Variants in OCA2 observed in about 807,000 individuals in gnomAD.
OCA2 encodes P protein.
A neutral mutation model predicts 100.2 loss-of-function variants in OCA2; 77 were observed. That is an observed-to-expected ratio of 0.77 (90% CI 0.64 to 0.93). The LOEUF (loss-of-function observed/expected upper bound fraction) is 0.93. OCA2 is among the 40% of genes least tolerant of loss of function. The pLI is 0.00. For synonymous variants in OCA2, 432 were observed against 439.2 expected, an observed-to-expected ratio of 0.98 and a Z score of 0.21; for missense variants, 1,062 against 1,089.1, an observed-to-expected ratio of 0.98 and a Z score of 0.35.
the OCA2 span, among the ~76,000 whole-genome samples, chr15:27,740,560 T>A: frequency 4.6e-5 from 7 of 152,152 alleles, no homozygotes; most frequent in South Asian, 1.4e-3. Flanking sequence ...GTACATGCAG[T>A]GCAAGTATGT....
At chr15:27,748,907 T>G in the OCA2 span, among the ~76,000 whole-genome samples, 1 of 152,088 alleles carries the variant, frequency 6.6e-6, no homozygotes, top group African/African-American at 2.4e-5. Context: ...ATTAGTGAAC[T>G]TTGGGTCAGA....
chr15:27,735,862 C>A, the OCA2 span, among the ~76,000 whole-genome samples: 4 of 152,122 alleles, frequency 2.6e-5, no homozygotes, highest in African/African-American at 9.7e-5. Context: ...AGTTCAATAC[C>A]AGACCTATCT....
At chr15:27,932,972 G>A (rs926653497) in intron 18 of OCA2, among the ~76,000 whole-genome samples, 1 of 127,092 alleles carries the variant, frequency 7.9e-6, no homozygotes, top group African/African-American at 3.5e-5. Flanking sequence ...AAATCACAAG[G>A]CATAGAAAAA....
At chr15:27,724,524 G>T in the OCA2 span, among the ~76,000 whole-genome samples, 1 of 152,216 alleles carries the variant, frequency 6.6e-6, no homozygotes, top group East Asian at 1.9e-4. Context: ...AGGTCCTGGG[G>T]GTTAGGACTT....
chr15:28,073,142 G>A (rs771087240), intron 2 of OCA2, among the ~76,000 whole-genome samples: 10 of 152,170 alleles, frequency 6.6e-5, no homozygotes, highest in East Asian at 1.9e-4. Flanking sequence ...CGCAGGGCAC[G>A]GTGGCTCACA....
intron 2 of OCA2, among the ~76,000 whole-genome samples, chr15:28,036,214 T>C (rs1309755751): frequency 1.3e-5 from 2 of 152,210 alleles, no homozygotes; most frequent in Admixed American, 6.5e-5. Context: ...ATTTCTGGTT[T>C]TTCACCTGGG....
chr15:27,724,101 AG>A, the OCA2 span, among the ~76,000 whole-genome samples: 2 of 152,158 alleles, frequency 1.3e-5, no homozygotes, highest in Non-Finnish European at 2.9e-5. Flanking sequence ...AGGTGGCCAA[AG>A]GCTTTCTAGA....
intron 23 of OCA2, among the ~76,000 whole-genome samples, chr15:27,758,978 C>G (rs1023861901): frequency 1.3e-5 from 2 of 152,032 alleles, no homozygotes; most frequent in Non-Finnish European, 2.9e-5. Flanking sequence ...CCTAAAAAGG[C>G]TAGGCACCCC....
intron 16 of OCA2, among the ~76,000 whole-genome samples, chr15:27,956,931 C>G (rs1199169389): frequency 6.6e-6 from 1 of 152,208 alleles, no homozygotes. Context: ...CACATTTCCC[C>G]TTGCCTAGAT....
rs980914388 is a variant in OCA2, at chr15:28,015,714, A to G, written c.890+390T>C. On this transcript the variant is annotated intron_variant, in intron 8 of 23. Transcript: ENST00000354638. ...CTGACATTTAAGCCACCCAGTGTGT[A>G]GTACTATGATACGGCAGCCTTAGCT... Among the ~76,000 whole-genome samples the G allele has an allele frequency of 3.3e-5, 5 of 152,336 alleles. No homozygotes were observed. In the East Asian group the frequency reaches 9.6e-4, roughly 29 times the overall value.
At chr15:28,030,212 C>T (rs1440527234) in intron 3 of OCA2, among the ~76,000 whole-genome samples, 3 of 152,186 alleles carry the variant, frequency 2.0e-5, no homozygotes, top group Non-Finnish European at 2.9e-5. Context: ...CCTTACCCAT[C>T]CAGTCACTGA....
At chr15:27,747,219 C>T in the OCA2 span, among the ~76,000 whole-genome samples, 1 of 152,170 alleles carries the variant, frequency 6.6e-6, no homozygotes, top group African/African-American at 2.4e-5. Context: ...ATGGCTGTGA[C>T]AGTCACATGG....
chr15:28,096,771 G>C (rs1374186224), intron 1 of OCA2, among the ~76,000 whole-genome samples: 1 of 152,184 alleles, frequency 6.6e-6, no homozygotes, highest in Non-Finnish European at 1.5e-5. Context: ...AGCCTGGGAG[G>C]AGGGGCGGGG....
chr15:27,895,136 A>T (rs1405736920), intron 19 of OCA2, among the ~76,000 whole-genome samples: 1 of 152,092 alleles, frequency 6.6e-6, no homozygotes, highest in African/African-American at 2.4e-5. Context: ...AAGCATAAGG[A>T]CCTGTCTGTG....
At chr15:27,978,225 C>T (rs1285841487) in intron 14 of OCA2, among the ~76,000 whole-genome samples, 6 of 152,092 alleles carry the variant, frequency 3.9e-5, no homozygotes, top group Non-Finnish European at 5.9e-5. Context: ...GAATCCATTT[C>T]AGTTAATGTT....
chr15:28,091,527 A>G (rs936407953), intron 1 of OCA2, among the ~76,000 whole-genome samples: 2 of 152,314 alleles, frequency 1.3e-5, no homozygotes, highest in Admixed American at 6.5e-5. Flanking sequence ...AAATCAATCA[A>G]TGTTGAACAT....
At chr15:28,066,405 T>C (rs953635820) in intron 2 of OCA2, among the ~76,000 whole-genome samples, 2 of 152,072 alleles carry the variant, frequency 1.3e-5, no homozygotes, top group African/African-American at 2.4e-5. Context: ...CAAGCCATGA[T>C]GGGAGAGGGG....
chr15:27,929,825 A>AAATTTTTTTTTTTTTTTTTTTTTT (rs71132826), intron 18 of OCA2, among the ~76,000 whole-genome samples: 6 of 149,126 alleles, frequency 4.0e-5, no homozygotes, highest in African/African-American at 4.9e-5. Flanking sequence ...CAAATGGGAA[A>AAATTTTTTTTTTTTTTTTTTTTTT]TATTTTAAAC....
intron 14 of OCA2, 80 bp downstream of exon 14, chr15:27,983,265 A>G (rs2140963221): frequency 1.9e-6 from 3 of 1,558,536 alleles, no homozygotes; most frequent in Non-Finnish European, 1.8e-6. Context: ...ATTTCTAACA[A>G]AGGCGTCCAT....
Sources: gnomAD v4.1 joint callset for allele counts (sites outside exome capture counted in the v4.1 genomes callset) on GRCh38, gnomAD v4.1.1 for gene constraint, MANE v1.5 for transcripts, NCBI Gene and HGNC (gene_info 2026-07-23, HGNC 2026-07-21) for gene names.